The following PXDN variants were observed in gnomAD, a reference collection of about 807,000 sequenced individuals.
The protein encoded by PXDN is peroxidasin homolog.
PXDN carries 77 observed loss-of-function variants against 140.3 expected under a neutral mutation model. That is an observed-to-expected ratio of 0.55 (90% CI 0.46 to 0.66). The LOEUF is 0.66. Ranked by LOEUF, PXDN falls within the 30% of genes least tolerant of loss-of-function variation. PXDN has a pLI of 0.00. For missense variants in PXDN, 1,838 were observed against 2,039.5 expected, an observed-to-expected ratio of 0.90 and a Z score of 1.90; for synonymous variants, 911 against 857.4, an observed-to-expected ratio of 1.06 and a Z score of -1.09.
intron 1 of PXDN, among the ~76,000 whole-genome samples, chr2:1,710,585 C>CA (rs1684732067): frequency 6.8e-6 from 1 of 146,392 alleles, no homozygotes; most frequent in Admixed American, 6.7e-5. Flanking sequence ...TCCACTAGCA[C>CA]CCTCTCCACC....
At chr2:1,661,386 A>AAGAG in intron 13 of PXDN, among the ~76,000 whole-genome samples, 1 of 152,310 alleles carries the variant, frequency 6.6e-6, no homozygotes, top group Middle Eastern at 3.4e-3. Flanking sequence ...ATGTCTCAGA[A>AAGAG]AGAGAGGGCA....
rs1684850391 is a variant in PXDN, at chr2:1,714,391, C to T, written c.201-21257G>A. ...GAGAGGAGATCAGGTCTTGCCTCTG[C>T]CAAGAAGATGGGGCTACTGTGGGAG... On this transcript the variant is annotated intron_variant, in intron 1 of 22. Coordinates refer to ENST00000252804, the MANE Select transcript of PXDN (RefSeq NM_012293.3). The surrounding 1 kb of genome is among the most constrained non-coding windows in gnomAD (Gnocchi z 4.3). Among the ~76,000 whole-genome samples, 1 of 152,174 alleles carries T rather than the reference C, an allele frequency of 6.6e-6. No homozygotes were observed. Among genetic ancestry groups the T allele is most frequent in the Admixed American group, 6.5e-5 (1 of 15,282 alleles).
At chr2:1,656,165 AAC>A (rs577814083) in intron 14 of PXDN, among the ~76,000 whole-genome samples, 5 of 151,626 alleles carry the variant, frequency 3.3e-5, no homozygotes, top group Non-Finnish European at 5.9e-5. Context: ...AAACCAAAGA[AAC>A]ACACACACAC....
At position 1,660,080 on chromosome 2, in the gene PXDN, G is replaced by C. The variant is rs1683267465; in HGVS notation, c.1837+801C>G. 1.3e-5 allele frequency among the ~76,000 whole-genome samples: 2 copies of C among 152,220 alleles called. No individual in the cohort carries two copies. The highest frequency in any genetic ancestry group is 4.8e-5 in the African/African-American group (2 of 41,454). On this transcript the variant is annotated intron_variant, in intron 14 of 22. Transcript: ENST00000252804. The surrounding 1 kb of genome is among the most constrained non-coding windows in gnomAD (Gnocchi z 4.6). ...GAGTGTTGCTAACTCTAGGGGGACA[G>C]AGCAGGAGTGGGGAACACACCACTG...
chr2:1,648,584 C>CT lies in PXDN; in HGVS notation c.3195_3196insA (p.Ala1066SerfsTer46). 1 of 1,613,714 alleles carries CT rather than the reference C, an allele frequency of 6.2e-7. No individual in the cohort carries two copies. Among genetic ancestry groups the CT allele is most frequent in the East Asian group, 2.2e-5 (1 of 44,856 alleles). ...TGGCCAAACCTGAAGGCCGCGGTGG[C>CT]GAAGGCGTTGAAGATGCCAGCATTG... On this transcript the variant is annotated frameshift_variant, in exon 17 of 23. Coordinates refer to ENST00000252804, the MANE Select transcript of PXDN (RefSeq NM_012293.3). LOFTEE classifies it high-confidence loss of function. This position sits in a 1 kb window ranked among gnomAD's most constrained non-coding sequence, Gnocchi z 8.9.
chr2:1,720,623 A>ATCTCTTTCTCTCTCTCTGCC (rs1282548047), intron 1 of PXDN, among the ~76,000 whole-genome samples: 2 of 151,138 alleles, frequency 1.3e-5, no homozygotes, highest in South Asian at 2.1e-4. Flanking sequence ...CTCTCTCTGC[A>ATCTCTTTCTCTCTCTCTGCC]TCTCTTTCTC....
chr2:1,633,184 T>TTA lies in PXDN; in HGVS notation c.*1019_*1020insTA, dbSNP rs34186121. The TTA allele has an allele frequency of 1.3e-5, 2 of 149,906 alleles. No homozygotes were observed. Among genetic ancestry groups the TTA allele is most frequent in the Admixed American group, 6.7e-5 (1 of 14,974 alleles). The allele number at this position is 149,906 out of a possible 1,614,324, so 9.3% of individuals were successfully genotyped here. On this transcript the variant is annotated 3_prime_UTR_variant, in exon 23 of 23. Coordinates refer to ENST00000252804, the MANE Select transcript of PXDN (RefSeq NM_012293.3). ...AGGGATTCTTTTTTTTTTTTTTTTT[T>TTA]AACGCACTCACACAACCTGAAGTTA...
chr2:1,671,514 C>A (rs546398759), intron 9 of PXDN, among the ~76,000 whole-genome samples: 45 of 151,942 alleles, frequency 3.0e-4, no homozygotes, highest in African/African-American at 9.9e-4. Context: ...CCTGCCAATA[C>A]GAATCAAGTA....
chr2:1,641,895 C>A (rs1039879274), intron 19 of PXDN, among the ~76,000 whole-genome samples: 2 of 152,156 alleles, frequency 1.3e-5, no homozygotes, highest in Non-Finnish European at 2.9e-5. Flanking sequence ...TTTTCCTAAT[C>A]ATTTTCAAGA....
At chr2:1,650,238 G>A (rs932832591) in intron 16 of PXDN, among the ~76,000 whole-genome samples, 10 of 152,078 alleles carry the variant, frequency 6.6e-5, no homozygotes, top group African/African-American at 9.7e-5. Flanking sequence ...TAGCCGCCGC[G>A]CCCTCCTCTC....
At position 1,648,574 on chromosome 2, in the gene PXDN, G is replaced by T. The variant is rs1181113673; in HGVS notation, c.3206C>A (p.Ala1069Asp). ...AGIFNAFATAAFRFGHTLVNP... is the reference protein window; with the variant it reads ...AGIFNAFATADFRFGHTLVNP... Reference sequence around the variant, plus strand: ...GACAAGCGTGTGGCCAAACCTGAAGGCCGCGGTGGCGAAGGCGTTGAAGAT... The same window carrying T: ...GACAAGCGTGTGGCCAAACCTGAAGTCCGCGGTGGCGAAGGCGTTGAAGAT... The change falls in exon 17 of 23, where the codon GCC becomes GAC. Residue 1069 changes from alanine to aspartate, a missense_variant. Physicochemically the swap from Ala to Asp is moderately radical, Grantham distance 126. This residue lies in a region of PXDN where 850 missense variants were observed against 894.1 expected (regional missense o/e 0.95). Transcript: ENST00000252804. This position sits in a 1 kb window ranked among gnomAD's most constrained non-coding sequence, Gnocchi z 8.9. The T allele has an allele frequency of 1.2e-6, 2 of 1,613,800 alleles. No individual in the cohort carries two copies. The highest frequency in any genetic ancestry group is 1.7e-6 in the Non-Finnish European group (2 of 1,179,900).
rs1436159750 is a variant in PXDN at position 1,649,218 on chromosome 2, G to A, written c.2562C>T (p.Asp854=). The change falls in exon 17 of 23, where the codon GAC becomes GAT. Residue 854 remains aspartate, a synonymous_variant. Coordinates refer to ENST00000252804, the MANE Select transcript of PXDN (RefSeq NM_012293.3). This position sits in a 1 kb window ranked among gnomAD's most constrained non-coding sequence, Gnocchi z 7.1. ...GGATCATGACAGAGAAGCAGGGGGG[G>A]TCGTTGCTGCACACGTTGCTGCAGT... is the stretch of plus-strand genomic sequence containing the variant. The part of the protein sequence containing the change: ...GQHCSNVCSN[D]PPCFSVMIPP... 18 of 1,529,258 alleles carry A rather than the reference G, an allele frequency of 1.2e-5. No homozygotes were observed. Among genetic ancestry groups the A allele is most frequent in the Middle Eastern group, 1.7e-4 (1 of 5,746 alleles). The allele number at this position is 1,529,258 out of a possible 1,614,324, so 94.7% of individuals were successfully genotyped here.
chr2:1,725,458 T>G (rs1248764070), intron 1 of PXDN, among the ~76,000 whole-genome samples: 4 of 151,842 alleles, frequency 2.6e-5, no homozygotes, highest in Non-Finnish European at 4.4e-5. Context: ...ACGTTAGACC[T>G]AAAACCATAA....
chr2:1,736,775 A>G (rs1384198726), intron 1 of PXDN, among the ~76,000 whole-genome samples: 1 of 152,188 alleles, frequency 6.6e-6, no homozygotes, highest in Non-Finnish European at 1.5e-5. Flanking sequence ...GATTACTTGC[A>G]CCTTGGAGGC....
Position 1,666,819 on chromosome 2 carries a change from A to G in PXDN, c.1019-333T>C, listed in dbSNP as rs149965618. On this transcript the variant is annotated intron_variant, in intron 9 of 22. Transcript: ENST00000252804. ...AAATACATTATGTCAATCTTGTTAGACCTTGCTAGTAGTTCTTATTGGCAC... is the reference window on the plus strand; with the variant it reads ...AAATACATTATGTCAATCTTGTTAGGCCTTGCTAGTAGTTCTTATTGGCAC... Among the ~76,000 whole-genome samples, 664 of 152,324 alleles carry G rather than the reference A, an allele frequency of 4.4e-3. 9 individuals are homozygous for G. Among genetic ancestry groups the G allele is most frequent in the African/African-American group, 0.015 (634 of 41,574 alleles).
At chr2:1,711,254 T>TCC (rs1310052614) in intron 1 of PXDN, among the ~76,000 whole-genome samples, 14 of 67,802 alleles carry the variant, frequency 2.1e-4, no homozygotes, top group South Asian at 7.1e-4. Context: ...GCATCCACTC[T>TCC]ACCAGCACCC....
At chr2:1,678,185 G>A (rs910289421) in intron 7 of PXDN, among the ~76,000 whole-genome samples, 6 of 152,018 alleles carry the variant, frequency 3.9e-5, no homozygotes, top group Non-Finnish European at 7.4e-5. Flanking sequence ...CTTCACAGAG[G>A]TTCTCACCAC....
In PXDN at chr2:1,649,356, G is replaced by A; in HGVS notation, c.2424C>T (p.Val808=). ...VSTTLIGTET[V]TPDEQFTHML... Reference sequence around the variant, plus strand: ...TGTGGGTGAACTGCTCGTCGGGTGTGACGGTCTCCGTCCCGATCAGGGTGG... The same window carrying A: ...TGTGGGTGAACTGCTCGTCGGGTGTAACGGTCTCCGTCCCGATCAGGGTGG... The change falls in exon 17 of 23, where the codon GTC becomes GTT. Residue 808 remains valine (V), a synonymous_variant. Coordinates refer to ENST00000252804, the MANE Select transcript of PXDN (RefSeq NM_012293.3). This position sits in a 1 kb window ranked among gnomAD's most constrained non-coding sequence, Gnocchi z 7.1. 1 of 1,613,986 alleles carries A rather than the reference G, an allele frequency of 6.2e-7. No individual in the cohort carries two copies. Among genetic ancestry groups the A allele is most frequent in the Non-Finnish European group, 8.5e-7 (1 of 1,179,894 alleles).
chr2:1,736,945 A>G (rs1166681192), intron 1 of PXDN, among the ~76,000 whole-genome samples: 1 of 152,206 alleles, frequency 6.6e-6, no homozygotes, highest in Non-Finnish European at 1.5e-5. Flanking sequence ...CAAAAGACAG[A>G]TGCTCCCGAA....
Sources: gnomAD v4.1 joint callset for allele counts (sites outside exome capture counted in the v4.1 genomes callset) on GRCh38, gnomAD v4.1.1 for gene constraint, gnomAD v4.1.1 regional missense constraint, Gnocchi (gnomAD v3.1) non-coding constraint, MANE v1.5 for transcripts, NCBI Gene and HGNC (gene_info 2026-07-23, HGNC 2026-07-21) for gene names.